The following CSNK1D variants were observed in gnomAD, a reference collection of about 807,000 sequenced individuals.
CSNK1D encodes the protein casein kinase 1 delta.
CSNK1D carries 16 observed loss-of-function variants against 46.6 expected under a neutral mutation model. The observed-to-expected ratio is 0.34, with a 90% CI of 0.23 to 0.52. The LOEUF is 0.52. CSNK1D is among the 20% of genes least tolerant of loss of function. The pLI is 0.95. For missense variants in CSNK1D, 398 were observed against 578.4 expected, an observed-to-expected ratio of 0.69 and a Z score of 3.20; for synonymous variants, 276 against 228.2, an observed-to-expected ratio of 1.21 and a Z score of -1.89.
intron 1 of CSNK1D, among the ~76,000 whole-genome samples, chr17:82,272,714 G>A (rs2051661659): frequency 6.6e-6 from 1 of 152,180 alleles, no homozygotes; most frequent in Non-Finnish European, 1.5e-5. Flanking sequence ...CGGCATTTGG[G>A]TCTTTCTGAC....
Position 82,243,637 on chromosome 17 carries a change from G to A in CSNK1D, c.*1144C>T. On this transcript the variant is annotated 3_prime_UTR_variant, in exon 9 of 9. Coordinates refer to ENST00000314028, the MANE Select transcript of CSNK1D (RefSeq NM_001893.6). ...GGTTGGGAGAGTCACCTGCTCCTTG[G>A]CACCTCAGGGTGGGTCCTTCTGGCC... The A allele has an allele frequency of 1.0e-6, 1 of 985,518 alleles. No individual in the cohort carries two copies. Among genetic ancestry groups the A allele is most frequent in the Non-Finnish European group, 1.2e-6 (1 of 829,962 alleles). 61.0% of individuals were successfully genotyped at this position (985,518 alleles called of 1,614,324 possible).
In CSNK1D at chr17:82,252,242, G is replaced by C. The variant is rs1390405562; in HGVS notation, c.736+192C>G. On this transcript the variant is annotated intron_variant, in intron 5 of 8. Coordinates refer to ENST00000314028, the MANE Select transcript of CSNK1D (RefSeq NM_001893.6). The surrounding 1 kb of genome is among the most constrained non-coding windows in gnomAD (Gnocchi z 4.6). ...TACTCCCCACGCTGATGGGCACTTG[G>C]CAAGTAAGTCAAGATGAACAGGAGG... 6.6e-6 allele frequency among the ~76,000 whole-genome samples: 1 copy of C among 152,190 alleles called. No individual in the cohort carries two copies. Among genetic ancestry groups the C allele is most frequent in the Admixed American group, 6.5e-5 (1 of 15,292 alleles).
chr17:82,245,684 CAGG>C (rs927564823), intron 8 of CSNK1D: 8 of 440,018 alleles, frequency 1.8e-5, no homozygotes, highest in East Asian at 9.1e-5. Flanking sequence ...GCACCCAGGA[CAGG>C]AGGAGAGCAA....
intron 2 of CSNK1D, among the ~76,000 whole-genome samples, chr17:82,260,185 T>G (rs1173486099): frequency 2.1e-5 from 3 of 146,234 alleles, no homozygotes; most frequent in African/African-American, 7.7e-5. Context: ...GATGGTGTAC[T>G]GAGTGGTGAC....
In CSNK1D at chr17:82,248,278, G is replaced by A. The variant is rs1003481837; in HGVS notation, c.1197+597C>T. 1.5e-5 allele frequency: 15 copies of A among 986,540 alleles called. No individual in the cohort carries two copies. The highest frequency in any genetic ancestry group is 1.8e-5 in the Non-Finnish European group (15 of 830,726). The allele number at this position is 986,540 out of a possible 1,614,324, so 61.1% of individuals were successfully genotyped here. ...CGCAAAAGACAACAAAAGCCAGAGC[G>A]AGGAGAGGAGAGACCGCTGCAGGAT... is the stretch of plus-strand genomic sequence containing the variant. On this transcript the variant is annotated intron_variant, in intron 8 of 8. Coordinates refer to ENST00000314028, the MANE Select transcript of CSNK1D (RefSeq NM_001893.6). The surrounding 1 kb of genome is among the most constrained non-coding windows in gnomAD (Gnocchi z 4.1).
rs956610839 is a variant in CSNK1D, at chr17:82,251,972, C to T, written c.737-445G>A. ...TCACGCCACTGCACTCTAGCCTTGG[C>T]GACAGAGTGAGACTGTGTCTTAAAA... On this transcript the variant is annotated intron_variant, in intron 5 of 8. Coordinates refer to ENST00000314028, the MANE Select transcript of CSNK1D (RefSeq NM_001893.6). The surrounding 1 kb of genome is among the most constrained non-coding windows in gnomAD (Gnocchi z 4.5). 8 of 309,736 alleles carry T rather than the reference C, an allele frequency of 2.6e-5. No homozygotes were observed. The highest frequency in any genetic ancestry group is 3.7e-5 in the Non-Finnish European group (6 of 161,548). 19.2% of individuals were successfully genotyped at this position (309,736 alleles called of 1,614,324 possible).
At chr17:82,265,928 T>C (rs959130460) in intron 1 of CSNK1D, 132 bp from the exon 2 acceptor site, 35 of 797,852 alleles carry the variant, frequency 4.4e-5, no homozygotes, top group Admixed American at 3.0e-4. Flanking sequence ...CTTCCTAGCA[T>C]AGTAAGGCGG....
rs910901283 is a variant in CSNK1D, at chr17:82,250,299, G to T, written c.886-697C>A. On this transcript the variant is annotated intron_variant, in intron 6 of 8. Transcript: ENST00000314028. This position sits in a 1 kb window ranked among gnomAD's most constrained non-coding sequence, Gnocchi z 4.6. ...AGTACAGCTCATTGGACACAGCCAC[G>T]TTCACCAGGCAACACACAGACCGAC... The T allele has an allele frequency of 9.7e-6, 9 of 930,432 alleles. No homozygotes were observed. Among genetic ancestry groups the T allele is most frequent in the Non-Finnish European group, 1.4e-5 (9 of 665,888 alleles). The allele number at this position is 930,432 out of a possible 1,614,324, so 57.6% of individuals were successfully genotyped here. A position where few individuals can be genotyped will look rare whatever the true frequency, so the allele number is the denominator to read the frequency against.
intron 1 of CSNK1D, among the ~76,000 whole-genome samples, chr17:82,268,980 C>A (rs558645400): frequency 1.3e-5 from 2 of 151,974 alleles, no homozygotes; most frequent in Admixed American, 6.6e-5. Context: ...GCCTCTAACC[C>A]CAGCTACTCA....
chr17:82,246,204 G>A (rs942399680), intron 8 of CSNK1D: 2 of 1,524,762 alleles, frequency 1.3e-6, no homozygotes, highest in Non-Finnish European at 8.8e-7. Flanking sequence ...TTGCCTCTCA[G>A]GACGGGCCTC....
chr17:82,272,794 T>A (rs980065638), intron 1 of CSNK1D, among the ~76,000 whole-genome samples: 22 of 152,200 alleles, frequency 1.4e-4, no homozygotes, highest in Admixed American at 1.4e-3. Context: ...CGGACCGGGC[T>A]GCGGAAGAAA....
At chr17:82,265,459 G>T (rs1020499281) in intron 2 of CSNK1D, 5 of 531,478 alleles carry the variant, frequency 9.4e-6, no homozygotes, top group Non-Finnish European at 1.7e-5. Context: ...GATTCCAGGC[G>T]TGAGCCACCA....
chr17:82,273,219 C>T lies in CSNK1D; in HGVS notation c.76+87G>A. ...GACTTGCGCGGAGACCCCGCGGGGG[C>T]CACCACTTCCTTCCGCGATCGCGCT... On this transcript the variant is annotated intron_variant, in intron 1 of 8. Transcript: ENST00000314028. This position sits in a 1 kb window ranked among gnomAD's most constrained non-coding sequence, Gnocchi z 5.1. 1.5e-6 allele frequency: 2 copies of T among 1,343,454 alleles called. No individual in the cohort carries two copies. The highest frequency in any genetic ancestry group is 2.1e-6 in the Non-Finnish European group (2 of 973,122). The allele number at this position is 1,343,454 out of a possible 1,614,324, so 83.2% of individuals were successfully genotyped here. A position where few individuals can be genotyped will look rare whatever the true frequency, so the allele number is the denominator to read the frequency against.
chr17:82,264,452 G>A (rs141048103), intron 2 of CSNK1D, among the ~76,000 whole-genome samples: 6 of 152,198 alleles, frequency 3.9e-5, no homozygotes, highest in African/African-American at 1.2e-4. Flanking sequence ...GACTCTGAGG[G>A]GAGGACAGGA....
Position 82,250,108 on chromosome 17 carries a change from G to A in CSNK1D, c.886-506C>T, listed in dbSNP as rs1254553045. The A allele has an allele frequency of 6.2e-6, 8 of 1,290,424 alleles. No individual in the cohort carries two copies. The highest frequency in any genetic ancestry group is 1.5e-5 in the African/African-American group (1 of 65,914). The allele number at this position is 1,290,424 out of a possible 1,614,324, so 79.9% of individuals were successfully genotyped here. A position where few individuals can be genotyped will look rare whatever the true frequency, so the allele number is the denominator to read the frequency against. ...GGTGTGGTGGCGTGGCCAGCAGCCG[G>A]CAGCCGGATCTGTGCTGCACTATCC... On this transcript the variant is annotated intron_variant, in intron 6 of 8. Coordinates refer to ENST00000314028, the MANE Select transcript of CSNK1D (RefSeq NM_001893.6). This position sits in a 1 kb window ranked among gnomAD's most constrained non-coding sequence, Gnocchi z 4.6.
intron 1 of CSNK1D, among the ~76,000 whole-genome samples, chr17:82,270,619 C>CT (rs1160606440): frequency 1.3e-5 from 2 of 152,202 alleles, no homozygotes; most frequent in African/African-American, 2.4e-5. Context: ...ATCTTTGACT[C>CT]TAACTGCCAT....
chr17:82,249,140 C>T lies in CSNK1D; in HGVS notation c.1058-126G>A, dbSNP rs923379972. The T allele has an allele frequency of 7.6e-6, 9 of 1,186,406 alleles. No homozygotes were observed. Among genetic ancestry groups the T allele is most frequent in the African/African-American group, 4.6e-5 (3 of 65,512 alleles). 73.5% of individuals were successfully genotyped at this position (1,186,406 alleles called of 1,614,324 possible). A position where few individuals can be genotyped will look rare whatever the true frequency, so the allele number is the denominator to read the frequency against. On this transcript the variant is annotated intron_variant, in intron 7 of 8. Transcript: ENST00000314028. The surrounding 1 kb of genome is among the most constrained non-coding windows in gnomAD (Gnocchi z 6.7). ...TGGACAGTCAGGACCTGGCTGTGGCCGATGGCCACCAACACTCAGATCCGG... is the reference window on the plus strand; with the variant it reads ...TGGACAGTCAGGACCTGGCTGTGGCTGATGGCCACCAACACTCAGATCCGG...
chr17:82,258,139 C>T (rs2051227478), intron 2 of CSNK1D, among the ~76,000 whole-genome samples: 1 of 145,506 alleles, frequency 6.9e-6, no homozygotes, highest in East Asian at 2.0e-4. Flanking sequence ...CCCAGGAAGT[C>T]GAGACTGCAG....
In CSNK1D at chr17:82,248,227, T is replaced by A; in HGVS notation, c.1197+648A>T. 1 of 985,846 alleles carries A rather than the reference T, an allele frequency of 1.0e-6. No individual in the cohort carries two copies. The highest frequency in any genetic ancestry group is 1.2e-6 in the Non-Finnish European group (1 of 830,216). 61.1% of individuals were successfully genotyped at this position (985,846 alleles called of 1,614,324 possible). ...AATGGATCCATATGGAGAAAGCTGT[T>A]CTAGTTCAAAGAGCACGTTAGCAAA... On this transcript the variant is annotated intron_variant, in intron 8 of 8. Transcript: ENST00000314028. This position sits in a 1 kb window ranked among gnomAD's most constrained non-coding sequence, Gnocchi z 4.1.
Sources: allele counts gnomAD v4.1 joint callset (sites outside exome capture counted in the v4.1 genomes callset), GRCh38; gene constraint gnomAD v4.1.1; non-coding constraint Gnocchi (gnomAD v3.1); transcripts MANE v1.5; gene names NCBI Gene and HGNC (gene_info 2026-07-23, HGNC 2026-07-21).